Variants in TTN observed in about 807,000 individuals in gnomAD.
The protein encoded by TTN is connectin.
A neutral mutation model predicts 3,223.0 loss-of-function variants in TTN; 1,525 were observed. That is an observed-to-expected ratio of 0.47 (90% CI 0.45 to 0.49). TTN has a LOEUF of 0.49. Ranked by LOEUF, TTN falls within the 20% of genes least tolerant of loss-of-function variation. The pLI is 0.00. For synonymous variants in TTN, 14,094 were observed against 15,161.0 expected (o/e 0.93, Z 5.17); for missense variants, 40,786 against 43,424.0 (o/e 0.94, Z 5.40).
intron 213 of TTN, 64 bp from the exon 214 acceptor site, chr2:178,647,528 C>T (rs2062213572): frequency 6.7e-7 from 1 of 1,489,164 alleles, no homozygotes; most frequent in South Asian, 1.2e-5. Flanking sequence ...GTCTAAAGAG[C>T]AGGCAAAGAA....
rs188702191 is a variant in TTN, at chr2:178,597,141, C to G, written c.57544+397G>C. Among the ~76,000 whole-genome samples, 5 of 152,142 alleles carry G rather than the reference C, an allele frequency of 3.3e-5. 1 individual carries two copies. Among genetic ancestry groups the G allele is most frequent in the Admixed American group, 1.3e-4 (2 of 15,280 alleles). On this transcript the variant is annotated intron_variant, in intron 294 of 362. Coordinates refer to ENST00000589042, the MANE Select transcript of TTN (RefSeq NM_001267550.2). ...TTAAGGAAAGTTGCTTCTATGAAAA[C>G]TATATAACAACATAATAGACACTAT...
chr2:178,544,270 C>A lies in TTN; in HGVS notation c.95959G>T (p.Ala31987Ser). Residue 31987 changes from alanine to serine, a missense_variant, in exon 345 of 363, where the codon GCC becomes TCC. Physicochemically the swap from Ala to Ser is moderately conservative, Grantham distance 99 (BLOSUM62 1). Coordinates refer to ENST00000589042, the MANE Select transcript of TTN (RefSeq NM_001267550.2). ...MGQKYSFRVAAVNVKGMSEYS... is the reference protein window; with the variant it reads ...MGQKYSFRVASVNVKGMSEYS... ...TCGCTCATACCCTTCACGTTCACGG[C>A]AGCAACTCTGAAGGAATATTTCTGG... 10 of 1,613,824 alleles carry A rather than the reference C, an allele frequency of 6.2e-6. No homozygotes were observed. Among genetic ancestry groups the A allele is most frequent in the Non-Finnish European group, 8.5e-6 (10 of 1,179,746 alleles).
chr2:178,550,452 T>G, intron 336 of TTN, 179 bp from the exon 337 acceptor site: 3 of 571,078 alleles, frequency 5.3e-6, no homozygotes, highest in Non-Finnish European at 9.0e-6. Context: ...GGGTTAAATA[T>G]TTGCCTATTA....
intron 9 of TTN, among the ~76,000 whole-genome samples, chr2:178,792,895 C>A (rs569950899): frequency 6.6e-6 from 1 of 152,198 alleles, no homozygotes; most frequent in East Asian, 1.9e-4. Flanking sequence ...CCCCAAATGC[C>A]GCCAACCATG....
chr2:178,756,417 A>T lies in TTN; in HGVS notation c.11059T>A (p.Ser3687Thr). Reference sequence around the variant, plus strand: ...TGAGTCCAGGTTACATCAATGAAAGAATCATCTTTTAAAACACAGAGGAAT... The same window carrying T: ...TGAGTCCAGGTTACATCAATGAAAGTATCATCTTTTAAAACACAGAGGAAT... ...AQFLCVLKDD[S>T]FIDVTWTHEG... The change falls in exon 46 of 363, where the codon TCT becomes ACT. Residue 3687 changes from serine to threonine, a missense_variant. Coordinates refer to ENST00000589042, the MANE Select transcript of TTN (RefSeq NM_001267550.2). 6.2e-7 allele frequency: 1 copy of T among 1,613,832 alleles called. No homozygotes were observed. The highest frequency in any genetic ancestry group is 8.5e-7 in the Non-Finnish European group (1 of 1,179,822).
At position 178,633,859 on chromosome 2, in the gene TTN, G is replaced by C. The variant is rs1188613689; in HGVS notation, c.42640C>G (p.Gln14214Glu). Reference protein sequence around the residue: ...TLDDISQIKAQVKELSSTAQL... With the variant: ...TLDDISQIKAEVKELSSTAQL... ...GCTGTGGAGCTCAGCTCCTTGACTT[G>C]AGCTTTTATCTGAGATATATCATCC... The change falls in exon 231 of 363, where the codon CAA becomes GAA. Residue 14214 changes from glutamine to glutamate, a missense_variant. Transcript: ENST00000589042. The C allele has an allele frequency of 2.5e-6, 4 of 1,613,312 alleles. No homozygotes were observed. Among genetic ancestry groups the C allele is most frequent in the Non-Finnish European group, 2.5e-6 (3 of 1,179,586 alleles).
At chr2:178,544,716 A>G (rs1696228518) in intron 344 of TTN, among the ~76,000 whole-genome samples, 1 of 152,192 alleles carries the variant, frequency 6.6e-6, no homozygotes, top group East Asian at 1.9e-4. Context: ...AAATTGCTTT[A>G]GGAAAGTAGA....
rs1334801659 is a variant in TTN, at chr2:178,612,293, C to T, written c.50232G>A (p.Leu16744=). 6.2e-7 allele frequency: 1 copy of T among 1,612,282 alleles called. No individual in the cohort carries two copies. Among genetic ancestry groups the T allele is most frequent in the East Asian group, 2.2e-5 (1 of 44,570 alleles). The change falls in exon 266 of 363, where the codon CTG becomes CTA. Residue 16744 remains leucine (L), a synonymous_variant. Transcript: ENST00000589042. ...SDYTEIEDSV[L]AKDTFTTPGP... ...AGAGCATACTAAAGGTGTCTTTGGCCAGCACAGAGTCCTCAATTTCGGTGT... is the reference window on the plus strand; with the variant it reads ...AGAGCATACTAAAGGTGTCTTTGGCTAGCACAGAGTCCTCAATTTCGGTGT...
chr2:178,602,429 G>A lies in TTN; in HGVS notation c.54973C>T (p.Pro18325Ser). ...TCACAGGTAGTTATAAGTTTGTCTG[G>A]TTCATTTACTCTTTTCCAGTCAGTA... ...GTTDWKRVNE[P>S]DKLITTCECV... Residue 18325 changes from proline (P) to serine (S), a missense_variant, in exon 283 of 363, where the codon CCA becomes TCA. Coordinates refer to ENST00000589042, the MANE Select transcript of TTN (RefSeq NM_001267550.2). 3 of 1,612,572 alleles carry A rather than the reference G, an allele frequency of 1.9e-6. No homozygotes were observed. The highest frequency in any genetic ancestry group is 2.5e-6 in the Non-Finnish European group (3 of 1,179,196).
Position 178,542,429 on chromosome 2 carries a change from GA to G in TTN, c.97326del (p.His32443IlefsTer12). On this transcript the variant is annotated frameshift_variant, in exon 349 of 363. Coordinates refer to ENST00000589042, the MANE Select transcript of TTN (RefSeq NM_001267550.2). LOFTEE classifies it high-confidence loss of function. ...LSGYVVEQRD[A>X]HRPGWLPVSE... is the part of the protein sequence containing the mutation. ...GAAACGGGCAGCCATCCTGGACGAT[GA>G]GCGTCACGTTGTTCTACCACATAAC... The G allele has an allele frequency of 6.2e-7, 1 of 1,613,678 alleles. No individual in the cohort carries two copies. The highest frequency in any genetic ancestry group is 8.5e-7 in the Non-Finnish European group (1 of 1,179,726).
At position 178,534,510 on chromosome 2, in the gene TTN, A is replaced by T. The variant is rs370647845; in HGVS notation, c.102105T>A (p.Asp34035Glu). 26 of 1,613,686 alleles carry T rather than the reference A, an allele frequency of 1.6e-5. No individual in the cohort carries two copies. The highest frequency in any genetic ancestry group is 2.2e-5 in the Non-Finnish European group (26 of 1,179,782). ...ENIMNAEYTF[D>E]EEAFKEISIE... ...TGCTAATCTCTTTGAATGCTTCCTC[A>T]TCGAAAGTATATTCAGCATTCATGA... is the stretch of plus-strand genomic sequence containing the variant. Residue 34035 changes from aspartate (D) to glutamate (E), a missense_variant, in exon 358 of 363, where the codon GAT becomes GAA. Coordinates refer to ENST00000589042, the MANE Select transcript of TTN (RefSeq NM_001267550.2).
At position 178,737,055 on chromosome 2, in the gene TTN, C is replaced by T. The variant is rs150032315; in HGVS notation, c.14372-981G>A. 3.2e-4 allele frequency among the ~76,000 whole-genome samples: 49 copies of T among 151,622 alleles called. No homozygotes were observed. The East Asian group carries it at 7.8e-3, about 24-fold the overall frequency. ...CCCTGTCCTCAAACCACAGTTCATA[C>T]TCACACTTTCTCTTGGGAAGAGGGA... is the stretch of plus-strand genomic sequence containing the variant. On this transcript the variant is annotated intron_variant, in intron 49 of 362. Transcript: ENST00000589042.
Position 178,528,981 on chromosome 2 carries a change from A to C in TTN, c.106770T>G (p.His35590Gln), listed in dbSNP as rs1052651705. Residue 35590 changes from histidine (H) to glutamine (Q), a missense_variant, in exon 360 of 363, where the codon CAT (histidine) becomes CAG (glutamine). Coordinates refer to ENST00000589042, the MANE Select transcript of TTN (RefSeq NM_001267550.2). ...AATSLEKSIV[H>Q]EEITKTSQAS... ...CCTGTGATGTTTTAGTGATTTCCTCATGGACAATGGATTTTTCCAGGGAGG... is the reference window on the plus strand; with the variant it reads ...CCTGTGATGTTTTAGTGATTTCCTCCTGGACAATGGATTTTTCCAGGGAGG... 9 of 1,613,852 alleles carry C rather than the reference A, an allele frequency of 5.6e-6. No homozygotes were observed. The highest frequency in any genetic ancestry group is 3.3e-5 in the Admixed American group (2 of 60,010).
chr2:178,668,399 G>A lies in TTN; in HGVS notation c.35546-678C>T, dbSNP rs183480106. ...CTTAGTATAACAGGATGAACAACAAGAAAGTTGAGTTTCAACAGGAAATTT... is the reference window on the plus strand; with the variant it reads ...CTTAGTATAACAGGATGAACAACAAAAAAGTTGAGTTTCAACAGGAAATTT... On this transcript the variant is annotated intron_variant, in intron 159 of 362. Coordinates refer to ENST00000589042, the MANE Select transcript of TTN (RefSeq NM_001267550.2). Among the ~76,000 whole-genome samples the A allele has an allele frequency of 1.8e-3, 279 of 152,142 alleles. 5 individuals carry two copies. The South Asian group carries it at 0.024, about 13-fold the overall frequency.
At chr2:178,719,005 GAGAAGAAAGAAATCCA>G (rs1560650482) in intron 83 of TTN, 32 bp from the exon 84 acceptor site, 1 of 1,541,486 alleles carries the variant, frequency 6.5e-7, no homozygotes, top group Non-Finnish European at 8.7e-7. Flanking sequence ...GGGAGATAAA[GAGAAGAAAGAAATCCA>G]AGTGAGAAGT....
chr2:178,779,578 G>T, intron 22 of TTN, 116 bp from the exon 23 acceptor site: 1 of 696,946 alleles, frequency 1.4e-6, no homozygotes, highest in Non-Finnish European at 2.4e-6. Context: ...GAATCTAGAG[G>T]ACTTTTTGGT....
rs1356531515 is a variant in TTN, at chr2:178,549,447, CT to C, written c.92178del (p.Glu30727AsnfsTer5). 6.2e-7 allele frequency: 1 copy of C among 1,607,478 alleles called. No homozygotes were observed. Among genetic ancestry groups the C allele is most frequent in the Non-Finnish European group, 8.5e-7 (1 of 1,175,224 alleles). On this transcript the variant is annotated frameshift_variant, in exon 339 of 363. Coordinates refer to ENST00000589042, the MANE Select transcript of TTN (RefSeq NM_001267550.2). LOFTEE classifies it high-confidence loss of function. Reference sequence around the variant, plus strand: ...CTGTTGCCTGTTATGTTGCTAGGTTCTGGAATGCCAGGGGCATCAGGAACAG... The same window carrying C: ...CTGTTGCCTGTTATGTTGCTAGGTTCGGAATGCCAGGGGCATCAGGAACAG... ...QYTVPDAPGI[P>X]EPSNITGNSI... is the part of the protein sequence containing the mutation.
Position 178,533,676 on chromosome 2 carries a change from C to T in TTN, c.102939G>A (p.Lys34313=). The T allele has an allele frequency of 1.2e-6, 2 of 1,613,860 alleles. No homozygotes were observed. Among genetic ancestry groups the T allele is most frequent in the Middle Eastern group, 1.7e-4 (1 of 6,060 alleles). ...TGTTGATTGTTAATTGGTAAAGACC[C>T]TTGTCTGACTCAAATGTGTACTTCT... The part of the protein sequence containing the change: ...NDKKYTFESD[K]GLYQLTINSV... The change falls in exon 358 of 363, where the codon AAG becomes AAA. Residue 34313 remains lysine, a synonymous_variant. Coordinates refer to ENST00000589042, the MANE Select transcript of TTN (RefSeq NM_001267550.2).
In TTN at chr2:178,568,338, C is replaced by A; in HGVS notation, c.77794G>T (p.Asp25932Tyr). The A allele has an allele frequency of 6.2e-7, 1 of 1,613,412 alleles. No homozygotes were observed. The highest frequency in any genetic ancestry group is 8.5e-7 in the Non-Finnish European group (1 of 1,179,616). Residue 25932 changes from aspartate to tyrosine, a missense_variant, in exon 326 of 363, where the codon GAT becomes TAT. Physicochemically the swap from Asp to Tyr is radical, Grantham distance 160. Transcript: ENST00000589042. ...ACATCCCATACTGTGGTGGTTGTATCTCTTTTCTGAACAATGTAGTTGGTG... is the reference window on the plus strand; with the variant it reads ...ACATCCCATACTGTGGTGGTTGTATATCTTTTCTGAACAATGTAGTTGGTG... ...QITNYIVQKR[D>Y]TTTTVWDVVS...
Sources: gnomAD v4.1 joint callset for allele counts (sites outside exome capture counted in the v4.1 genomes callset) on GRCh38, gnomAD v4.1.1 for gene constraint, MANE v1.5 for transcripts, NCBI Gene and HGNC (gene_info 2026-07-23, HGNC 2026-07-21) for gene names.